The following DLG5 variants were observed in gnomAD, a reference collection of about 807,000 sequenced individuals.
The protein encoded by DLG5 is disks large homolog 5.
In DLG5, 48 loss-of-function variants were observed where a neutral mutation model predicts 189.8. The ratio of observed to expected loss-of-function variants is 0.25; its 90% CI spans 0.20 to 0.32. The LOEUF is 0.32. Among genes scored for constraint, DLG5 ranks in the 10% least tolerant of loss-of-function variants. DLG5 has a pLI of 1.00. For synonymous variants in DLG5, 1,016 were observed against 1,054.1 expected (o/e 0.96, Z 0.70); for missense variants, 2,160 against 2,544.7 (o/e 0.85, Z 3.25).
intron 14 of DLG5, among the ~76,000 whole-genome samples, chr10:77,823,996 G>A (rs1014853368): frequency 2.6e-5 from 4 of 152,172 alleles, no homozygotes; most frequent in Non-Finnish European, 5.9e-5. Context: ...GCCTCCCAAA[G>A]TGTTGGGGTT....
intron 1 of DLG5, among the ~76,000 whole-genome samples, chr10:77,915,056 C>T (rs1002691522): frequency 3.3e-5 from 5 of 152,130 alleles, no homozygotes; most frequent in African/African-American, 9.7e-5. Context: ...GGGCTGGGCA[C>T]GGTGGCTTGC....
the DLG5 span, among the ~76,000 whole-genome samples, chr10:77,938,610 T>C: frequency 6.6e-6 from 1 of 152,094 alleles, no homozygotes; most frequent in Non-Finnish European, 1.5e-5. Context: ...CTAGGGTAAA[T>C]ATAACCCCAG....
chr10:77,804,575 C>G (rs796934989), intron 27 of DLG5, among the ~76,000 whole-genome samples: 81 of 152,330 alleles, frequency 5.3e-4, no homozygotes, highest in African/African-American at 1.7e-3. Flanking sequence ...CATTCTAGGA[C>G]AGTAGACAGT....
intron 13 of DLG5, among the ~76,000 whole-genome samples, chr10:77,828,297 C>G (rs781596128): frequency 1.8e-4 from 28 of 151,918 alleles, no homozygotes; most frequent in Non-Finnish European, 3.5e-4. Context: ...ACCAGCCTGG[C>G]CAACATGGTG....
chr10:77,926,542 G>C lies in DLG5; in HGVS notation c.-22C>G. 8.1e-7 allele frequency: 1 copy of C among 1,241,418 alleles called. No homozygotes were observed. Among genetic ancestry groups the C allele is most frequent in the Non-Finnish European group, 1.0e-6 (1 of 995,744 alleles). 76.9% of individuals were successfully genotyped at this position (1,241,418 alleles called of 1,614,324 possible). On this transcript the variant is annotated 5_prime_UTR_variant, in exon 1 of 32. Transcript: ENST00000372391. The surrounding 1 kb of genome is among the most constrained non-coding windows in gnomAD (Gnocchi z 5.2). ...CCATGGTGGCGGGCCGCGCCGCCCC[G>C]CCCCGCCGGACGCCTCCCGGGCCCC...
the DLG5 span, among the ~76,000 whole-genome samples, chr10:77,940,359 G>A: frequency 6.6e-6 from 1 of 152,136 alleles, no homozygotes; most frequent in Admixed American, 6.5e-5. Context: ...GAATCAATAG[G>A]CTTTGCTCAT....
intron 9 of DLG5, among the ~76,000 whole-genome samples, chr10:77,831,655 C>T (rs1038374729): frequency 1.3e-5 from 2 of 152,140 alleles, no homozygotes; most frequent in African/African-American, 4.8e-5. Flanking sequence ...AGGAATGCCC[C>T]AAGTCACCAA....
intron 1 of DLG5, among the ~76,000 whole-genome samples, chr10:77,915,322 G>A (rs146867260): frequency 7.9e-4 from 116 of 146,718 alleles, no homozygotes; most frequent in African/African-American, 2.0e-3. Flanking sequence ...GTGAGATGCC[G>A]TTTCAAAAAA....
intron 13 of DLG5, among the ~76,000 whole-genome samples, chr10:77,825,563 T>C (rs1267189469): frequency 6.7e-6 from 1 of 149,270 alleles, no homozygotes; most frequent in Non-Finnish European, 1.5e-5. Flanking sequence ...CAAGTTTTCT[T>C]TTTTTTTTTT....
At chr10:77,858,444 G>A (rs1844338447) in intron 2 of DLG5, among the ~76,000 whole-genome samples, 2 of 152,238 alleles carry the variant, frequency 1.3e-5, no homozygotes, top group South Asian at 4.1e-4. Context: ...AGACCAGCCT[G>A]GGCAACATGG....
intron 2 of DLG5, chr10:77,868,022 C>T (rs1227016248): frequency 2.2e-6 from 1 of 456,704 alleles, no homozygotes; most frequent in South Asian, 1.5e-5. Context: ...CCAAGGATTA[C>T]CAGCAAGCCA....
rs745631776 is a variant in DLG5 at position 77,794,862 on chromosome 10, C to T, written c.5533G>A (p.Ala1845Thr). 9.3e-6 allele frequency: 15 copies of T among 1,613,876 alleles called. No homozygotes were observed. Among genetic ancestry groups the T allele is most frequent in the African/African-American group, 2.7e-5 (2 of 74,940 alleles). ...CCAGTTACCTACTTGATGTGCTTGG[C>T]GCTCTTGTAGTGGATGAAGATGACA... ...PIVIFIHYKSAKHIKEQRDPI... is the reference protein window; with the variant it reads ...PIVIFIHYKSTKHIKEQRDPI... Residue 1845 changes from alanine (A) to threonine (T), a missense_variant, in exon 30 of 32, where the codon GCC becomes ACC. By Grantham distance (58) the Ala-to-Thr change is moderately conservative. Around this residue, in one of 5 missense-constraint regions of DLG5, gnomAD observed 574 missense variants for 644.2 expected, o/e 0.89. Coordinates refer to ENST00000372391, the MANE Select transcript of DLG5 (RefSeq NM_004747.4).
At chr10:77,809,177 C>T (rs1039135386) in intron 24 of DLG5, among the ~76,000 whole-genome samples, 7 of 151,406 alleles carry the variant, frequency 4.6e-5, no homozygotes, top group African/African-American at 7.3e-5. Flanking sequence ...AAGGCCGAGG[C>T]GGGCAGATCA....
chr10:77,828,985 T>C lies in DLG5; in HGVS notation c.2186A>G (p.Asp729Gly). 1 of 1,613,440 alleles carries C rather than the reference T, an allele frequency of 6.2e-7. No individual in the cohort carries two copies. The highest frequency in any genetic ancestry group is 8.5e-7 in the Non-Finnish European group (1 of 1,179,906). The change falls in exon 13 of 32, where the codon GAC (aspartate) becomes GGC (glycine). Residue 729 changes from aspartate to glycine, a missense_variant and splice_region_variant. Physicochemically the swap from Asp to Gly is moderately conservative, Grantham distance 94. Coordinates refer to ENST00000372391, the MANE Select transcript of DLG5 (RefSeq NM_004747.4). ...PLHINLSGQK[D>G]SGISLENGVY... ...TCCATTCTCCAGACTGATGCCACTG[T>C]CTGCAAGCCACAGGAGGTCACTGGG...
At chr10:77,902,338 A>C (rs1845950303) in intron 1 of DLG5, among the ~76,000 whole-genome samples, 1 of 152,234 alleles carries the variant, frequency 6.6e-6, no homozygotes, top group Admixed American at 6.5e-5. Context: ...CTGCTGTTTC[A>C]GCCCAGCAAT....
At chr10:77,801,871 G>T (rs1841223686) in intron 27 of DLG5, among the ~76,000 whole-genome samples, 1 of 152,176 alleles carries the variant, frequency 6.6e-6, no homozygotes, top group Non-Finnish European at 1.5e-5. Context: ...AAGAAGCGAT[G>T]ATTCAGTTAA....
rs1846022497 is a variant in DLG5, at chr10:77,904,672, C to T, written c.304+21545G>A. On this transcript the variant is annotated intron_variant, in intron 1 of 31. Coordinates refer to ENST00000372391, the MANE Select transcript of DLG5 (RefSeq NM_004747.4). ...GCTTCTTCCTCATTCTTTCTTGCTG[C>T]CACATTGTAAGCAGTGCCTTTTGCC... is the stretch of plus-strand genomic sequence containing the variant. Among the ~76,000 whole-genome samples the T allele has an allele frequency of 2.0e-5, 3 of 151,992 alleles. No individual in the cohort carries two copies. In the South Asian group the frequency reaches 6.2e-4, roughly 32 times the overall value.
At chr10:77,904,804 T>C (rs1846026777) in intron 1 of DLG5, among the ~76,000 whole-genome samples, 1 of 151,930 alleles carries the variant, frequency 6.6e-6, no homozygotes, top group Admixed American at 6.6e-5. Context: ...CTCCTAATCC[T>C]GAGCAGAGTT....
intron 1 of DLG5, among the ~76,000 whole-genome samples, chr10:77,909,303 C>T (rs1846150005): frequency 6.6e-6 from 1 of 152,022 alleles, no homozygotes; most frequent in Non-Finnish European, 1.5e-5. Context: ...GAGAGTTGAA[C>T]AATGAGAACA....
Sources: allele counts gnomAD v4.1 joint callset (sites outside exome capture counted in the v4.1 genomes callset), GRCh38; gene constraint gnomAD v4.1.1; regional missense constraint gnomAD v4.1.1; non-coding constraint Gnocchi (gnomAD v3.1); transcripts MANE v1.5; gene names NCBI Gene and HGNC (gene_info 2026-07-23, HGNC 2026-07-21).